The following TMEM132D variants were observed in gnomAD, a reference collection of about 807,000 sequenced individuals.
TMEM132D encodes transmembrane protein 132D, also known as mature OL transmembrane protein.
Under a neutral mutation model 62.3 loss-of-function variants are expected in TMEM132D, and 21 were observed. The ratio of observed to expected loss-of-function variants is 0.34; its 90% CI spans 0.24 to 0.49. TMEM132D has a LOEUF of 0.49. TMEM132D is among the 20% of genes least tolerant of loss of function. The probability of loss-of-function intolerance (pLI) is 0.99; values close to 1 mark genes in which losing one functional copy is unlikely to be tolerated. For missense variants in TMEM132D, 1,346 were observed against 1,402.8 expected (o/e 0.96, Z 0.65); for synonymous variants, 621 against 575.6 (o/e 1.08, Z -1.13).
intron 3 of TMEM132D, among the ~76,000 whole-genome samples, chr12:129,350,266 C>A (rs558830558): frequency 6.6e-6 from 1 of 152,280 alleles, no homozygotes; most frequent in African/African-American, 2.4e-5. Context: ...AACCTTGTTA[C>A]AACCCAGCAG....
chr12:129,697,668 T>G (rs1301730223), intron 2 of TMEM132D, among the ~76,000 whole-genome samples: 1 of 152,226 alleles, frequency 6.6e-6, no homozygotes, highest in African/African-American at 2.4e-5. Flanking sequence ...TTTTCCAAAC[T>G]TTGACCTGTG....
At chr12:129,304,725 G>T (rs181183458) in intron 4 of TMEM132D, among the ~76,000 whole-genome samples, 1 of 136,454 alleles carries the variant, frequency 7.3e-6, no homozygotes, top group Non-Finnish European at 1.5e-5. Context: ...ATGCAGTGTC[G>T]CAATCTCAGC....
chr12:129,734,170 G>C (rs1869344256), intron 1 of TMEM132D, among the ~76,000 whole-genome samples: 1 of 152,120 alleles, frequency 6.6e-6, no homozygotes, highest in African/African-American at 2.4e-5. Context: ...ATACTTAATT[G>C]CCTGAATTAG....
chr12:129,768,427 G>A (rs1870625482), intron 1 of TMEM132D, among the ~76,000 whole-genome samples: 2 of 151,926 alleles, frequency 1.3e-5, no homozygotes. Flanking sequence ...TCATTGTGGT[G>A]AGGAGAATGT....
At chr12:129,787,759 G>A (rs1565985476) in intron 1 of TMEM132D, among the ~76,000 whole-genome samples, 3 of 152,156 alleles carry the variant, frequency 2.0e-5, no homozygotes, top group South Asian at 4.1e-4. Context: ...GCAAAGAGTG[G>A]GCATGAGGAC....
At chr12:129,232,341 A>G (rs1879665118) in intron 4 of TMEM132D, among the ~76,000 whole-genome samples, 1 of 152,238 alleles carries the variant, frequency 6.6e-6, no homozygotes, top group East Asian at 1.9e-4. Flanking sequence ...CTGGCAAACT[A>G]GTGTTAGGCA....
chr12:129,634,873 C>T (rs548899825), intron 2 of TMEM132D, among the ~76,000 whole-genome samples: 27 of 152,222 alleles, frequency 1.8e-4, no homozygotes, highest in African/African-American at 6.3e-4. Context: ...TTCTAAGCTA[C>T]TATTCTCTGT....
chr12:129,479,456 C>T (rs974580702), intron 3 of TMEM132D, among the ~76,000 whole-genome samples: 1 of 152,070 alleles, frequency 6.6e-6, no homozygotes, highest in African/African-American at 2.4e-5. Context: ...GCCTTCATTG[C>T]TCTCTGGCAT....
At chr12:129,796,165 T>A (rs1054526759) in intron 1 of TMEM132D, among the ~76,000 whole-genome samples, 2 of 152,040 alleles carry the variant, frequency 1.3e-5, no homozygotes, top group African/African-American at 4.8e-5. Context: ...TGAGACCCTG[T>A]CTCTAAATAA....
chr12:129,164,777 A>G (rs539169859), intron 5 of TMEM132D, among the ~76,000 whole-genome samples: 13 of 152,204 alleles, frequency 8.5e-5, no homozygotes, highest in Non-Finnish European at 1.6e-4. Flanking sequence ...CCATAATTCA[A>G]TTACCTCCAC....
chr12:129,279,706 G>A (rs1881089153), intron 4 of TMEM132D, among the ~76,000 whole-genome samples: 1 of 152,012 alleles, frequency 6.6e-6, no homozygotes, highest in Admixed American at 6.6e-5. Context: ...CGAAAACTGG[G>A]AAACTGAAAA....
At chr12:129,774,870 C>T (rs114900043) in intron 1 of TMEM132D, among the ~76,000 whole-genome samples, 1,815 of 152,250 alleles carry the variant, frequency 0.012, 38 homozygotes, top group African/African-American at 0.041. Flanking sequence ...ACCTTGGACA[C>T]GCTGAGTAAT....
At chr12:129,439,919 C>T (rs1056192800) in intron 3 of TMEM132D, among the ~76,000 whole-genome samples, 1 of 152,182 alleles carries the variant, frequency 6.6e-6, no homozygotes, top group African/African-American at 2.4e-5. Context: ...GCATCTGGGG[C>T]AGATGCTTGA....
chr12:129,289,482 T>C (rs527560281), intron 4 of TMEM132D, among the ~76,000 whole-genome samples: 1 of 146,898 alleles, frequency 6.8e-6, no homozygotes, highest in South Asian at 2.1e-4. Flanking sequence ...AGGTGGAGGT[T>C]GCAGTGAGCC....
chr12:129,430,328 G>A (rs1419110803), intron 3 of TMEM132D, among the ~76,000 whole-genome samples: 4 of 152,062 alleles, frequency 2.6e-5, no homozygotes, highest in Non-Finnish European at 5.9e-5. Flanking sequence ...TTTCTCTGAT[G>A]GCCAGTGATG....
chr12:129,194,313 G>A (rs1878487777), intron 5 of TMEM132D, among the ~76,000 whole-genome samples: 2 of 152,142 alleles, frequency 1.3e-5, no homozygotes, highest in Non-Finnish European at 2.9e-5. Context: ...TTCTGAACTG[G>A]ACTGACAGAG....
At chr12:129,747,606 TACAG>T (rs962151219) in intron 1 of TMEM132D, among the ~76,000 whole-genome samples, 8 of 142,740 alleles carry the variant, frequency 5.6e-5, no homozygotes, top group African/African-American at 1.9e-4. Flanking sequence ...ACACTTGACA[TACAG>T]ACACACACAA....
intron 5 of TMEM132D, among the ~76,000 whole-genome samples, chr12:129,117,245 G>T (rs1168917091): frequency 6.6e-6 from 1 of 151,884 alleles, no homozygotes; most frequent in Non-Finnish European, 1.5e-5. Flanking sequence ...ACATTAAACT[G>T]ATAGCTGGTT....
chr12:129,400,221 A>G (rs1871579046), intron 3 of TMEM132D, among the ~76,000 whole-genome samples: 1 of 152,138 alleles, frequency 6.6e-6, no homozygotes, highest in African/African-American at 2.4e-5. Flanking sequence ...GGGAAGAAAC[A>G]CAAACGGTCA....
Sources: gnomAD v4.1 joint callset for allele counts (sites outside exome capture counted in the v4.1 genomes callset) on GRCh38, gnomAD v4.1.1 for gene constraint, MANE v1.5 for transcripts, NCBI Gene and HGNC (gene_info 2026-07-23, HGNC 2026-07-21) for gene names.